GLIPR1L2: variants seen among roughly 807,000 people sequenced by gnomAD.
The protein encoded by GLIPR1L2 is GLIPR1 like 2, also known as GLIPR1-like protein 2.
Under a neutral mutation model 28.4 loss-of-function variants are expected in GLIPR1L2, and 21 were observed. The ratio of observed to expected loss-of-function variants is 0.74; its 90% CI spans 0.52 to 1.06. The LOEUF is 1.06. Ranked by LOEUF, GLIPR1L2 falls within the 50% of genes least tolerant of loss-of-function variation. GLIPR1L2 has a pLI of 0.00. For synonymous variants in GLIPR1L2, 145 were observed against 139.3 expected (o/e 1.04, Z -0.29); for missense variants, 476 against 416.9 (o/e 1.14, Z -1.23).
At chr12:75,391,372 C>A in intron 1 of GLIPR1L2, 22 bp downstream of exon 1, 1 of 1,608,578 alleles carries the variant, frequency 6.2e-7, no homozygotes, top group Non-Finnish European at 8.5e-7. Context: ...AGGCGGTTTG[C>A]CGACCCTTCC....
chr12:75,407,150 A>AC (rs2045811619), intron 1 of GLIPR1L2, among the ~76,000 whole-genome samples: 1 of 151,974 alleles, frequency 6.6e-6, no homozygotes. Flanking sequence ...TTATTCATTG[A>AC]CCCCCTCATC....
intron 1 of GLIPR1L2, among the ~76,000 whole-genome samples, chr12:75,401,354 T>G (rs1231102063): frequency 1.3e-5 from 2 of 149,150 alleles, no homozygotes; most frequent in African/African-American, 4.9e-5. Context: ...AAATGAAGAC[T>G]AAAGATAAAA....
chr12:75,393,860 GA>G (rs2045656191), intron 1 of GLIPR1L2, among the ~76,000 whole-genome samples: 1 of 151,870 alleles, frequency 6.6e-6, no homozygotes, highest in Non-Finnish European at 1.5e-5. Flanking sequence ...TTCCCACCAA[GA>G]ATGTTCAAGG....
rs748965111 is a variant in GLIPR1L2, at chr12:75,413,646, T to C, written c.529T>C (p.Ser177Pro). Reference protein sequence around the residue: ...YKVGCAVTPCSKIGHIIHAAI... With the variant: ...YKVGCAVTPCPKIGHIIHAAI... ...AGTTGGTTGTGCTGTTACTCCATGT[T>C]CAAAAATTGGACATATTATACATGC... The change falls in exon 3 of 6, where the codon TCA becomes CCA. Residue 177 changes from serine to proline, a missense_variant. Ser to Pro is a moderately conservative substitution (Grantham distance 74). Coordinates refer to ENST00000550916, the MANE Select transcript of GLIPR1L2 (RefSeq NM_001270396.2). 1.8e-5 allele frequency: 29 copies of C among 1,568,902 alleles called. No individual in the cohort carries two copies. The highest frequency in any genetic ancestry group is 2.2e-5 in the Non-Finnish European group (26 of 1,161,544).
chr12:75,427,321 A>G (rs1046871689), intron 4 of GLIPR1L2, among the ~76,000 whole-genome samples: 2 of 152,204 alleles, frequency 1.3e-5, no homozygotes, highest in Non-Finnish European at 2.9e-5. Context: ...TAAGGTATCA[A>G]TAGACACACA....
At chr12:75,413,450 C>A (rs2045891772) in intron 2 of GLIPR1L2, 148 bp from the exon 3 acceptor site, 1 of 471,666 alleles carries the variant, frequency 2.1e-6, no homozygotes, top group South Asian at 4.6e-5. Context: ...TCCTTGGTAA[C>A]TCTCTACATG....
Position 75,418,493 on chromosome 12 carries a change from C to G in GLIPR1L2, c.585-4411C>G, listed in dbSNP as rs185689645. 1.1e-3 allele frequency among the ~76,000 whole-genome samples: 173 copies of G among 152,190 alleles called. No individual in the cohort carries two copies. The East Asian group carries it at 0.021, about 19-fold the overall frequency. ...AAAATTATTTATTAAATAGAGAATC[C>G]TTTCCCCATTGCTTGTTTATGTCAG... On this transcript the variant is annotated intron_variant, in intron 3 of 5. Transcript: ENST00000550916.
At chr12:75,395,449 G>C (rs2045672515) in intron 1 of GLIPR1L2, among the ~76,000 whole-genome samples, 1 of 151,740 alleles carries the variant, frequency 6.6e-6, no homozygotes, top group Non-Finnish European at 1.5e-5. Flanking sequence ...GGTGATGCTG[G>C]CTTCATAGAA....
chr12:75,407,884 TA>T (rs1052189678), intron 1 of GLIPR1L2, among the ~76,000 whole-genome samples: 4 of 152,080 alleles, frequency 2.6e-5, no homozygotes, highest in African/African-American at 9.7e-5. Context: ...ATTAATCACT[TA>T]AAATCATTGA....
chr12:75,408,177 T>C (rs182675756), intron 1 of GLIPR1L2, among the ~76,000 whole-genome samples: 64 of 152,206 alleles, frequency 4.2e-4, no homozygotes, highest in African/African-American at 1.5e-3. Context: ...TCATTAAATA[T>C]CTCATTAACT....
intron 4 of GLIPR1L2, chr12:75,423,201 C>T: frequency 7.2e-7 from 1 of 1,391,206 alleles, no homozygotes; most frequent in Non-Finnish European, 9.3e-7. Flanking sequence ...CTATTCCTTC[C>T]CCTGAGGACA....
chr12:75,414,405 G>C (rs2045904307), intron 3 of GLIPR1L2, among the ~76,000 whole-genome samples: 1 of 151,968 alleles, frequency 6.6e-6, no homozygotes, highest in Non-Finnish European at 1.5e-5. Context: ...TAAACAGTAA[G>C]AATTGACTGC....
chr12:75,398,713 T>G (rs572449715), intron 1 of GLIPR1L2, among the ~76,000 whole-genome samples: 1 of 152,324 alleles, frequency 6.6e-6, no homozygotes, highest in African/African-American at 2.4e-5. Flanking sequence ...ATATTACAAA[T>G]AAATCTTCCT....
intron 1 of GLIPR1L2, chr12:75,402,955 T>C (rs553052802): frequency 2.2e-6 from 1 of 456,312 alleles, no homozygotes; most frequent in East Asian, 6.9e-5. Flanking sequence ...CCTACCACAA[T>C]AGCCCTAAAT....
intron 1 of GLIPR1L2, chr12:75,391,583 G>C: frequency 7.0e-7 from 1 of 1,421,904 alleles, no homozygotes; most frequent in Non-Finnish European, 9.5e-7. Flanking sequence ...TGGAGGCACT[G>C]GCCTGAAGTG....
At chr12:75,422,578 G>A (rs541645212) in intron 3 of GLIPR1L2, among the ~76,000 whole-genome samples, 14 of 152,146 alleles carry the variant, frequency 9.2e-5, no homozygotes, top group Middle Eastern at 3.4e-3. Context: ...CTGGGATTAC[G>A]GGCATGAGCC....
At chr12:75,409,012 C>A (rs752021241) in intron 1 of GLIPR1L2, among the ~76,000 whole-genome samples, 2 of 151,962 alleles carry the variant, frequency 1.3e-5, no homozygotes, top group Non-Finnish European at 2.9e-5. Flanking sequence ...ACTAAGAAAA[C>A]TCTAAGGCAA....
intron 4 of GLIPR1L2, among the ~76,000 whole-genome samples, chr12:75,425,495 G>A (rs902844046): frequency 6.6e-6 from 1 of 152,214 alleles, no homozygotes; most frequent in African/African-American, 2.4e-5. Context: ...CACACATGCA[G>A]AAGCCCAGAG....
rs2046083208 is a variant in GLIPR1L2 at position 75,430,745 on chromosome 12, T to G, written c.697+4T>G. ...GCAGATCGTGACCAAGCCACATGTA[T>G]GTATTGTTGTCCTTTATTTCTTGAA... On this transcript the variant is annotated splice_donor_region_variant and intron_variant, in intron 5 of 5. Coordinates refer to ENST00000550916, the MANE Select transcript of GLIPR1L2 (RefSeq NM_001270396.2). 6.5e-7 allele frequency: 1 copy of G among 1,534,732 alleles called. No homozygotes were observed. Among genetic ancestry groups the G allele is most frequent in the Admixed American group, 2.0e-5 (1 of 50,762 alleles).
Sources: allele counts gnomAD v4.1 joint callset (sites outside exome capture counted in the v4.1 genomes callset), GRCh38; gene constraint gnomAD v4.1.1; transcripts MANE v1.5; gene names NCBI Gene and HGNC (gene_info 2026-07-23, HGNC 2026-07-21).